The following ADCY7 variants were observed in gnomAD, a reference collection of about 807,000 sequenced individuals.
The protein encoded by ADCY7 is adenylate cyclase 7, also known as adenylate cyclase type 7.
ADCY7 carries 72 observed loss-of-function variants against 120.6 expected under a neutral mutation model. The observed-to-expected ratio is 0.60, with a 90% CI of 0.49 to 0.73. ADCY7 has a LOEUF of 0.73. Among genes scored for constraint, ADCY7 ranks in the 30% least tolerant of loss-of-function variants. The probability of loss-of-function intolerance (pLI) is 0.00; values close to 1 mark genes in which losing one functional copy is unlikely to be tolerated. For synonymous variants in ADCY7, 661 were observed against 628.0 expected, an observed-to-expected ratio of 1.05 and a Z score of -0.78; for missense variants, 1,227 against 1,486.0, an observed-to-expected ratio of 0.83 and a Z score of 2.87.
chr16:50,270,745 T>A (rs967508906), intron 1 of ADCY7, among the ~76,000 whole-genome samples: 1 of 152,216 alleles, frequency 6.6e-6, no homozygotes, highest in Non-Finnish European at 1.5e-5. Context: ...TTCCTCAGTT[T>A]CCTTATCTGT....
chr16:50,275,682 G>A (rs1319514102), intron 1 of ADCY7, among the ~76,000 whole-genome samples: 1 of 152,226 alleles, frequency 6.6e-6, no homozygotes, highest in East Asian at 1.9e-4. Flanking sequence ...GTGTGTGGCT[G>A]CGCATATGTA....
At chr16:50,285,056 CCT>C (rs1244610852) in intron 1 of ADCY7, among the ~76,000 whole-genome samples, 7 of 152,184 alleles carry the variant, frequency 4.6e-5, no homozygotes. Flanking sequence ...ACAGTAAATG[CCT>C]CTTGTGGAAT....
At chr16:50,248,669 A>G (rs1267071321) in intron 1 of ADCY7, among the ~76,000 whole-genome samples, 1 of 152,202 alleles carries the variant, frequency 6.6e-6, no homozygotes, top group Non-Finnish European at 1.5e-5. Context: ...TGAGGAAGAA[A>G]AGCAAAACTT....
In ADCY7 at chr16:50,304,394, C is replaced by T; in HGVS notation, c.1403C>T (p.Pro468Leu). Residue 468 changes from proline (P) to leucine (L), a missense_variant, in exon 11 of 26, where the codon CCC becomes CTC. By Grantham distance (98) the Pro-to-Leu change is moderately conservative. Coordinates refer to ENST00000673801, the MANE Select transcript of ADCY7 (RefSeq NM_001114.5). ...QQPPPPSQHL[P>L]RPKGDAALKM... ...CCACCCCCGCCCAGCCAACACCTCC[C>T]CAGGCCCAAGGGGGACGCGGCCCTG... The T allele has an allele frequency of 6.4e-7, 1 of 1,572,374 alleles. No individual in the cohort carries two copies.
At chr16:50,259,622 T>A (rs1200963872) in intron 1 of ADCY7, among the ~76,000 whole-genome samples, 1 of 152,138 alleles carries the variant, frequency 6.6e-6, no homozygotes, top group African/African-American at 2.4e-5. Flanking sequence ...GCTTTGTCGC[T>A]TACATGAAGT....
chr16:50,302,687 C>T (rs1386382846), intron 10 of ADCY7, among the ~76,000 whole-genome samples: 1 of 151,730 alleles, frequency 6.6e-6, no homozygotes. Context: ...TCAGAGGGGA[C>T]CTGTGCAGTG....
At chr16:50,313,714 C>T in intron 22 of ADCY7, 1 of 529,096 alleles carries the variant, frequency 1.9e-6, no homozygotes, top group South Asian at 2.8e-5. Context: ...TTGCTCTGTG[C>T]AGACACAGAT....
intron 1 of ADCY7, among the ~76,000 whole-genome samples, chr16:50,279,173 A>G (rs4785401): frequency 0.53 from 80,491 of 151,942 alleles, 22,408 homozygotes; most frequent in Non-Finnish European, 0.63. Flanking sequence ...TGCCAGGTCT[A>G]TGGAGCTCTT....
At chr16:50,308,058 C>G (rs2036196099) in intron 15 of ADCY7, among the ~76,000 whole-genome samples, 1 of 146,834 alleles carries the variant, frequency 6.8e-6, no homozygotes, top group African/African-American at 2.5e-5. Flanking sequence ...ACAGTTTTTT[C>G]TGAGTCTAAA....
At chr16:50,289,203 G>T (rs1446909103) in intron 2 of ADCY7, 44 of 306,726 alleles carry the variant, frequency 1.4e-4, no homozygotes, top group Middle Eastern at 1.0e-3. Flanking sequence ...TTTTTTTTTT[G>T]TTTGTTTGTT....
Position 50,290,447 on chromosome 16 carries a change from C to G in ADCY7, c.172-10C>G. 6.2e-7 allele frequency: 1 copy of G among 1,614,018 alleles called. No individual in the cohort carries two copies. Among genetic ancestry groups the G allele is most frequent in the Non-Finnish European group, 8.5e-7 (1 of 1,179,978 alleles). ...AAGCCGAGGCATTCCTGTCTGTTTGCTCCACCCAGGACCCCTCCAGACACC... is the reference window on the plus strand; with the variant it reads ...AAGCCGAGGCATTCCTGTCTGTTTGGTCCACCCAGGACCCCTCCAGACACC... On this transcript the variant is annotated splice_polypyrimidine_tract_variant and intron_variant, in intron 2 of 25. Transcript: ENST00000673801.
chr16:50,246,154 T>G (rs2032577552), exon 1 of ADCY7: 1 of 149,364 alleles, frequency 6.7e-6, no homozygotes, highest in Non-Finnish European at 1.5e-5. Flanking sequence ...GCCAGCCCGC[T>G]GCCACTGGGG....
chr16:50,252,078 G>A (rs1345588289), intron 1 of ADCY7, among the ~76,000 whole-genome samples: 1 of 152,202 alleles, frequency 6.6e-6, no homozygotes, highest in African/African-American at 2.4e-5. Context: ...AGGGGTGCGG[G>A]GTGGCTCGCT....
chr16:50,312,971 G>A lies in ADCY7; in HGVS notation c.2686G>A (p.Asp896Asn), dbSNP rs752277443. 9 of 1,614,106 alleles carry A rather than the reference G, an allele frequency of 5.6e-6. No individual in the cohort carries two copies. The highest frequency in any genetic ancestry group is 4.0e-5 in the African/African-American group (3 of 74,940). Reference protein sequence around the residue: ...PDFKVFYTECDVNKEGLECLR... With the variant: ...PDFKVFYTECNVNKEGLECLR... ...CTTCAAAGTGTTCTACACAGAGTGC[G>A]ATGTCAACAAAGAAGGGCTGGAGTG... is the stretch of plus-strand genomic sequence containing the variant. The change falls in exon 22 of 26, where the codon GAT (aspartate) becomes AAT (asparagine). Residue 896 changes from aspartate to asparagine, a missense_variant. This residue lies in a region of ADCY7 where 244 missense variants were observed against 332.8 expected (regional missense o/e 0.73). Transcript: ENST00000673801.
intron 18 of ADCY7, chr16:50,310,367 A>C: frequency 8.5e-7 from 1 of 1,183,210 alleles, no homozygotes; most frequent in Non-Finnish European, 1.2e-6. Flanking sequence ...GTCCTTTGGG[A>C]GGGTAAGCTC....
intron 1 of ADCY7, among the ~76,000 whole-genome samples, chr16:50,248,570 A>C (rs1403474058): frequency 2.0e-5 from 3 of 152,266 alleles, no homozygotes; most frequent in Admixed American, 6.5e-5. Flanking sequence ...GATACCCTGT[A>C]TAAAAATTTA....
chr16:50,249,075 C>T (rs2032675627), intron 1 of ADCY7, among the ~76,000 whole-genome samples: 1 of 152,198 alleles, frequency 6.6e-6, no homozygotes, highest in Admixed American at 6.5e-5. Context: ...TCCCACCTCC[C>T]AGGCCTTGCC....
intron 1 of ADCY7, among the ~76,000 whole-genome samples, chr16:50,247,821 A>C (rs1354510747): frequency 6.6e-6 from 1 of 152,124 alleles, no homozygotes; most frequent in Non-Finnish European, 1.5e-5. Flanking sequence ...CGGGATCCCC[A>C]GGTGCTGGGT....
upstream of ADCY7, among the ~76,000 whole-genome samples, chr16:50,245,953 C>CTGGGGTGGGGTGGGGTGGGG (rs1159831770): frequency 3.0e-4 from 2 of 6,696 alleles, no homozygotes; most frequent in Non-Finnish European, 1.0e-3. Context: ...TCTAGGGGAG[C>CTGGGGTGGGGTGGGGTGGGG]TGGGGTGGGG....
Sources: allele counts gnomAD v4.1 joint callset (sites outside exome capture counted in the v4.1 genomes callset), GRCh38; gene constraint gnomAD v4.1.1; regional missense constraint gnomAD v4.1.1; transcripts MANE v1.5; gene names NCBI Gene and HGNC (gene_info 2026-07-23, HGNC 2026-07-21).